The following FBXO34 variants were observed in gnomAD, a reference collection of about 807,000 sequenced individuals.
FBXO34 encodes the protein F-box protein 34.
A neutral mutation model predicts 24.5 loss-of-function variants in FBXO34; 12 were observed. The ratio of observed to expected loss-of-function variants is 0.49; its 90% CI spans 0.31 to 0.79. The LOEUF (loss-of-function observed/expected upper bound fraction) is 0.79, where lower values mean the gene tolerates loss of function less well. FBXO34 is among the 30% of genes least tolerant of loss of function. The pLI is 0.04. For synonymous variants in FBXO34, 320 were observed against 311.9 expected, an observed-to-expected ratio of 1.03 and a Z score of -0.27; for missense variants, 823 against 857.7, an observed-to-expected ratio of 0.96 and a Z score of 0.51.
the FBXO34 span, among the ~76,000 whole-genome samples, chr14:55,415,822 C>A: frequency 1.3e-5 from 2 of 152,104 alleles, no homozygotes; most frequent in Non-Finnish European, 2.9e-5. Context: ...GCAGAGTTCG[C>A]ACCATTACAC....
chr14:55,355,820 T>C (rs191046626), downstream of FBXO34, among the ~76,000 whole-genome samples: 2 of 152,326 alleles, frequency 1.3e-5, no homozygotes, highest in East Asian at 3.9e-4. Context: ...ACCATTTTAA[T>C]GTGAGGAGTG....
the FBXO34 span, among the ~76,000 whole-genome samples, chr14:55,381,355 A>G: frequency 9.8e-5 from 15 of 152,336 alleles, no homozygotes; most frequent in South Asian, 2.5e-3. Flanking sequence ...TTCAGTCTCC[A>G]TTTAGGACTA....
At chr14:55,296,964 T>G (rs1189054512) in intron 1 of FBXO34, among the ~76,000 whole-genome samples, 1 of 152,164 alleles carries the variant, frequency 6.6e-6, no homozygotes, top group Non-Finnish European at 1.5e-5. Context: ...ATAAATCAGT[T>G]TTAATTTGTT....
At chr14:55,350,221 TGTG>T (rs1884301107) in intron 1 of FBXO34, among the ~76,000 whole-genome samples, 157 bp from the exon 2 acceptor site, 1 of 152,072 alleles carries the variant, frequency 6.6e-6, no homozygotes, top group Admixed American at 6.5e-5. Flanking sequence ...ATTCTTGATA[TGTG>T]CAGTAAAAAC....
intron 1 of FBXO34, among the ~76,000 whole-genome samples, chr14:55,349,264 A>C (rs11851870): frequency 0.15 from 22,181 of 151,902 alleles, 1,826 homozygotes; most frequent in Non-Finnish European, 0.17. Context: ...CACCATGTCT[A>C]GATAATCACT....
At chr14:55,337,416 A>G (rs1196149239) in intron 1 of FBXO34, among the ~76,000 whole-genome samples, 4 of 152,212 alleles carry the variant, frequency 2.6e-5, no homozygotes, top group African/African-American at 9.6e-5. Flanking sequence ...TGTGTTCTGT[A>G]TAGTTGTACC....
In FBXO34 at chr14:55,298,983, G is replaced by C. The variant is rs955725385; in HGVS notation, c.-11+27446G>C. The C allele has an allele frequency of 1.9e-6, 3 of 1,606,530 alleles. 1 individual carries two copies. The highest frequency in any genetic ancestry group is 2.2e-5 in the South Asian group (2 of 90,934). On this transcript the variant is annotated intron_variant, in intron 1 of 1. Transcript: ENST00000313833. ...GGCGGCCCACGACAACATGGACATC[G>C]ATAAAGTTGATGAGTTAATGCAGGA... is the stretch of plus-strand genomic sequence containing the variant.
chr14:55,430,333 C>A, the FBXO34 span, among the ~76,000 whole-genome samples: 1 of 151,592 alleles, frequency 6.6e-6, no homozygotes, highest in East Asian at 1.9e-4. Flanking sequence ...ACACTGCCCC[C>A]TCTTGGGTAT....
At chr14:55,362,282 A>G (rs1594771736), downstream of FBXO34, among the ~76,000 whole-genome samples, 1 of 152,250 alleles carries the variant, frequency 6.6e-6, no homozygotes, top group East Asian at 1.9e-4. Context: ...GCTCTCTTAT[A>G]CAGACAGTTC....
chr14:55,421,554 C>T, the FBXO34 span, among the ~76,000 whole-genome samples: 2 of 152,194 alleles, frequency 1.3e-5, no homozygotes, highest in East Asian at 3.8e-4. Flanking sequence ...GCCTCTGCCT[C>T]CCAGGTTCAA....
the FBXO34 span, among the ~76,000 whole-genome samples, chr14:55,432,380 T>C: frequency 6.8e-6 from 1 of 147,824 alleles, no homozygotes; most frequent in African/African-American, 2.5e-5. Context: ...ACCACTGCAC[T>C]CCATCCTGGA....
downstream of FBXO34, chr14:55,369,842 C>A: frequency 6.2e-7 from 1 of 1,614,174 alleles, no homozygotes; most frequent in Non-Finnish European, 8.5e-7. Flanking sequence ...CTCATCTCCG[C>A]TCTCATCTGA....
At chr14:55,411,903 A>AAGGG in the FBXO34 span, 1 of 1,322,370 alleles carries the variant, frequency 7.6e-7, no homozygotes. Context: ...GGGCCTGGGG[A>AAGGG]AGGGGGGCTG....
At chr14:55,330,844 A>G (rs746226901) in intron 1 of FBXO34, among the ~76,000 whole-genome samples, 4 of 152,126 alleles carry the variant, frequency 2.6e-5, no homozygotes, top group East Asian at 3.8e-4. Context: ...TTTTTTCTCC[A>G]TAGCCTTTTA....
chr14:55,369,118 C>T (rs1884751299), downstream of FBXO34: 1 of 152,686 alleles, frequency 6.5e-6, no homozygotes, highest in African/African-American at 2.4e-5. Context: ...TTTAAATTGC[C>T]TGCTGGTTCT....
chr14:55,291,808 A>G (rs1881953323), intron 1 of FBXO34, among the ~76,000 whole-genome samples: 1 of 151,534 alleles, frequency 6.6e-6, no homozygotes, highest in African/African-American at 2.4e-5. Flanking sequence ...CTGTCTTTAG[A>G]AAAAAAATAG....
chr14:55,429,766 C>CAAAAAAAA, the FBXO34 span, among the ~76,000 whole-genome samples: 5 of 52,386 alleles, frequency 9.5e-5, no homozygotes, highest in African/African-American at 1.9e-4. Flanking sequence ...AACTCCGTCT[C>CAAAAAAAA]AAAAAAAAAA....
At chr14:55,336,407 A>G (rs1883776318) in intron 1 of FBXO34, among the ~76,000 whole-genome samples, 1 of 152,344 alleles carries the variant, frequency 6.6e-6, no homozygotes, top group Middle Eastern at 3.4e-3. Context: ...CAGTCCCTGC[A>G]GAGCTGCCTG....
the FBXO34 span, among the ~76,000 whole-genome samples, chr14:55,395,722 A>C: frequency 6.6e-6 from 1 of 152,222 alleles, no homozygotes; most frequent in African/African-American, 2.4e-5. Context: ...TCAACATGTC[A>C]GGTTTCATAA....
Sources: allele counts gnomAD v4.1 joint callset (sites outside exome capture counted in the v4.1 genomes callset), GRCh38; gene constraint gnomAD v4.1.1; transcripts MANE v1.5; gene names NCBI Gene and HGNC (gene_info 2026-07-23, HGNC 2026-07-21).